The following RBMX variants were observed in gnomAD, a reference collection of about 807,000 sequenced individuals.
RBMX encodes RNA-binding motif protein, X chromosome.
In RBMX, 1 loss-of-function variant was observed where a neutral mutation model predicts 29.3. The ratio of observed to expected loss-of-function variants is 0.03; its 90% CI spans 0.01 to 0.16. RBMX has a LOEUF of 0.16. Among genes scored for constraint, RBMX ranks in the 10% least tolerant of loss-of-function variants. RBMX has a pLI of 1.00. For missense variants in RBMX, 121 were observed against 333.2 expected (o/e 0.36, Z 4.96); for synonymous variants, 102 against 102.3 (o/e 1.00, Z 0.02).
At chrX:136,872,596 AT>A, downstream of RBMX, 1 of 356,719 alleles carries the variant, frequency 2.8e-6, no homozygotes, top group Non-Finnish European at 4.9e-6. Context: ...GCCACGTTAA[AT>A]CCATAAGTTG....
chrX:136,869,611 T>C (rs1186991990), downstream of RBMX: 3 of 111,766 alleles, frequency 2.7e-5, no homozygotes, highest in African/African-American at 9.8e-5. Context: ...ATTTGGTCAT[T>C]ACCCTTGTGG....
intron 3 of RBMX, 103 bp downstream of exon 3, chrX:136,878,914 A>G: frequency 2.8e-6 from 3 of 1,061,192 alleles, no homozygotes; most frequent in Non-Finnish European, 3.8e-6. Flanking sequence ...TATATACTGA[A>G]AAACAACGAA....
intron 3 of RBMX, among the ~76,000 whole-genome samples, chrX:136,878,542 T>C (rs758891128): frequency 2.6e-4 from 27 of 104,186 alleles, no homozygotes; most frequent in African/African-American, 8.8e-4. Flanking sequence ...AGTCAGGAGT[T>C]TGAGACCAGC....
chrX:136,869,388 C>T (rs2077672220), downstream of RBMX: 1 of 112,322 alleles, frequency 8.9e-6, no homozygotes, highest in African/African-American at 3.2e-5. Context: ...GGTCAGTAAA[C>T]TATCAAACAG....
Position 136,874,420 on chromosome X carries a change from G to A in RBMX, c.898C>T (p.Pro300Ser). The A allele has an allele frequency of 2.5e-6, 3 of 1,212,857 alleles. No individual in the cohort carries two copies. The highest frequency in any genetic ancestry group is 3.3e-6 in the Non-Finnish European group (3 of 895,728). Residue 300 changes from proline (P) to serine (S), a missense_variant, in exon 9 of 9, where the codon CCC (proline) becomes TCC (serine). Transcript: ENST00000320676. ...CTGCTTCCACCATAAGATGGCGGGGGCCCTCGTGTAGGTGGAGCACTACGT... is the reference window on the plus strand; with the variant it reads ...CTGCTTCCACCATAAGATGGCGGGGACCCTCGTGTAGGTGGAGCACTACGT... ...NSRSAPPTRGPPPSYGGSSRY... is the reference protein window; with the variant it reads ...NSRSAPPTRGSPPSYGGSSRY...
At chrX:136,876,077 G>A (rs1305090634) in intron 5 of RBMX, among the ~76,000 whole-genome samples, 2 of 109,351 alleles carry the variant, frequency 1.8e-5, no homozygotes, top group Non-Finnish European at 3.8e-5. Flanking sequence ...CAAGATTACA[G>A]GCGTGAGCCA....
At chrX:136,878,544 G>A (rs1396708380) in intron 3 of RBMX, among the ~76,000 whole-genome samples, 1 of 103,489 alleles carries the variant, frequency 9.7e-6, no homozygotes, top group Non-Finnish European at 2.0e-5. Context: ...TCAGGAGTTT[G>A]AGACCAGCCT....
chrX:136,877,886 C>A (rs1211912589), intron 4 of RBMX, 29 bp downstream of exon 4: 5 of 1,144,267 alleles, frequency 4.4e-6, no homozygotes, highest in Non-Finnish European at 5.8e-6. Context: ...AACTTATACA[C>A]CAAACCCGAG....
At chrX:136,878,422 C>T (rs1008129993) in intron 3 of RBMX, among the ~76,000 whole-genome samples, 1 of 110,449 alleles carries the variant, frequency 9.1e-6, no homozygotes, top group African/African-American at 3.3e-5. Flanking sequence ...CAAAATATGG[C>T]TTATGGATCT....
At chrX:136,877,613 G>A (rs989574649) in intron 4 of RBMX, among the ~76,000 whole-genome samples, 2 of 109,174 alleles carry the variant, frequency 1.8e-5, no homozygotes, top group Admixed American at 9.8e-5. Context: ...ACCACGCCCA[G>A]CTAACTTTAA....
downstream of RBMX, among the ~76,000 whole-genome samples, chrX:136,871,465 ATAT>A (rs2077684134): frequency 9.3e-6 from 1 of 107,574 alleles, no homozygotes; most frequent in South Asian, 4.0e-4. Flanking sequence ...AAAAAAGGTA[ATAT>A]TGAAATTACA....
intron 8 of RBMX, 180 bp downstream of exon 8, chrX:136,874,906 G>A: frequency 1.1e-6 from 1 of 897,262 alleles, no homozygotes. Flanking sequence ...AGCCTCAAAA[G>A]AAACTTAGAA....
At chrX:136,879,850 T>C (rs1171232671) in intron 1 of RBMX, among the ~76,000 whole-genome samples, 2 of 111,596 alleles carry the variant, frequency 1.8e-5, no homozygotes, top group African/African-American at 6.5e-5. Context: ...ACACAGGACC[T>C]TAACACCAAG....
chrX:136,872,883 A>G (rs1417900887), downstream of RBMX: 1 of 111,374 alleles, frequency 9.0e-6, no homozygotes, highest in African/African-American at 3.3e-5. Context: ...GCCATTTCCT[A>G]TATTGACTAA....
At chrX:136,877,881 A>G (rs2077750411) in intron 4 of RBMX, 34 bp downstream of exon 4, 1 of 1,137,070 alleles carries the variant, frequency 8.8e-7, no homozygotes, top group Non-Finnish European at 1.2e-6. Flanking sequence ...TCCCTAACTT[A>G]TACACCAAAC....
At chrX:136,879,254 A>C in intron 2 of RBMX, 65 bp downstream of exon 2, 1 of 1,193,759 alleles carries the variant, frequency 8.4e-7, no homozygotes, top group Non-Finnish European at 1.1e-6. Context: ...CGATCAATGC[A>C]ATCAAATTCA....
intron 8 of RBMX, 125 bp downstream of exon 8, chrX:136,874,961 A>G: frequency 9.3e-7 from 1 of 1,078,396 alleles, no homozygotes; most frequent in Non-Finnish European, 1.2e-6. Flanking sequence ...CCCAGCTGAT[A>G]AAGTTACCCC....
downstream of RBMX, among the ~76,000 whole-genome samples, chrX:136,872,113 C>T (rs2077688954): frequency 8.9e-6 from 1 of 112,036 alleles, no homozygotes; most frequent in Non-Finnish European, 1.9e-5. Context: ...ATGTGTCAGG[C>T]ACTACACATT....
downstream of RBMX, chrX:136,872,154 C>T (rs2077689143): frequency 1.8e-6 from 1 of 549,087 alleles, no homozygotes. Context: ...TTCCAAGCAG[C>T]GTTTTCTTTT....
Sources: allele counts gnomAD v4.1 joint callset (sites outside exome capture counted in the v4.1 genomes callset), GRCh38; gene constraint gnomAD v4.1.1; transcripts MANE v1.5; gene names NCBI Gene and HGNC (gene_info 2026-07-23, HGNC 2026-07-21).